Variants in PTPRN observed in about 807,000 individuals in gnomAD.
PTPRN encodes the protein protein tyrosine phosphatase receptor type N.
A neutral mutation model predicts 108.5 loss-of-function variants in PTPRN; 70 were observed. The ratio of observed to expected loss-of-function variants is 0.65; its 90% CI spans 0.53 to 0.79. PTPRN has a LOEUF of 0.79. Ranked by LOEUF, PTPRN falls within the 30% of genes least tolerant of loss-of-function variation. The pLI, the probability that PTPRN is intolerant of heterozygous loss-of-function variation, is 0.00. For synonymous variants in PTPRN, 496 were observed against 524.6 expected (o/e 0.95, Z 0.75); for missense variants, 1,136 against 1,295.5 (o/e 0.88, Z 1.89).
intron 3 of PTPRN, 99 bp from the exon 4 acceptor site, chr2:219,303,930 A>G: frequency 6.8e-6 from 6 of 882,648 alleles, no homozygotes; most frequent in Non-Finnish European, 1.0e-5. Context: ...CCTGCAGCTC[A>G]TGGGGTTTGT....
intron 3 of PTPRN, chr2:219,307,165 C>G (rs1952503723): frequency 5.8e-6 from 2 of 343,582 alleles, no homozygotes; most frequent in Admixed American, 8.6e-5. Flanking sequence ...GTTCTTGGCT[C>G]TGTAGCACTC....
chr2:219,308,288 G>A (rs992697925), intron 1 of PTPRN: 10 of 190,308 alleles, frequency 5.3e-5, no homozygotes, highest in Non-Finnish European at 1.1e-4. Flanking sequence ...GTGTCTCTTA[G>A]GCATCTCTCC....
At position 219,309,309 on chromosome 2, in the gene PTPRN, C is replaced by A; in HGVS notation, c.24G>T (p.Gly8=). ...GGAGACCCCCGGATCCCCCGAGACC[C>A]CCAGGCCGCCGCGGGCGCCGCATCT... is the stretch of plus-strand genomic sequence containing the variant. The part of the protein sequence containing the change: MRRPRRP[G]GLGGSGGLRL... The change falls in exon 1 of 23, where the codon GGG becomes GGT. Residue 8 remains glycine (G), a synonymous_variant. Coordinates refer to ENST00000295718, the MANE Select transcript of PTPRN (RefSeq NM_002846.4). The A allele has an allele frequency of 6.7e-7, 1 of 1,492,798 alleles. No individual in the cohort carries two copies. The highest frequency in any genetic ancestry group is 8.9e-7 in the Non-Finnish European group (1 of 1,125,336). The allele number at this position is 1,492,798 out of a possible 1,614,324, so 92.5% of individuals were successfully genotyped here.
At chr2:219,295,890 T>G in intron 18 of PTPRN, 1 of 252,990 alleles carries the variant, frequency 4.0e-6, no homozygotes, top group South Asian at 5.8e-5. Flanking sequence ...AGCTGTTAGC[T>G]TCTTACCTCG....
At chr2:219,308,815 C>T (rs925775855) in intron 1 of PTPRN, 2 of 1,297,456 alleles carry the variant, frequency 1.5e-6, no homozygotes, top group Non-Finnish European at 2.0e-6. Flanking sequence ...CTTCCACTGC[C>T]CAGAGATCAC....
chr2:219,296,273 C>T lies in PTPRN; in HGVS notation c.2461G>A (p.Asp821Asn). The change falls in exon 18 of 23, where the codon GAC (aspartate) becomes AAC (asparagine). Residue 821 changes from aspartate (D) to asparagine (N), a missense_variant. Coordinates refer to ENST00000295718, the MANE Select transcript of PTPRN (RefSeq NM_002846.4). The surrounding 1 kb of genome is among the most constrained non-coding windows in gnomAD (Gnocchi z 6.0). ...GCACCCTCATCTGGCCAGTAGCGGT[C>T]ACACTGCTTGACACCATCCTCCACC... ...PLVEDGVKQC[D>N]RYWPDEGASL... 6.2e-7 allele frequency: 1 copy of T among 1,614,162 alleles called. No homozygotes were observed. The highest frequency in any genetic ancestry group is 8.5e-7 in the Non-Finnish European group (1 of 1,180,034).
At chr2:219,308,441 T>C (rs536053202) in intron 1 of PTPRN, 1 of 199,808 alleles carries the variant, frequency 5.0e-6, no homozygotes, top group East Asian at 1.3e-4. Flanking sequence ...CCCTCTGTTG[T>C]ATTCTGCCAA....
chr2:219,302,129 C>T lies in PTPRN; in HGVS notation c.994+8G>A, dbSNP rs189995183. The T allele has an allele frequency of 4.5e-3, 7,057 of 1,565,202 alleles. 34 individuals carry two copies. Among genetic ancestry groups the T allele is most frequent in the Non-Finnish European group, 5.5e-3 (6,301 of 1,153,542 alleles). ...TCACAGGGAGGTGGATGCTGAGGAC[C>T]TTGTTACCTGGCTGCACAGCTGGGG... On this transcript the variant is annotated splice_region_variant and intron_variant, in intron 6 of 22. Transcript: ENST00000295718.
intron 18 of PTPRN, chr2:219,295,604 T>G (rs1952172326): frequency 6.4e-6 from 1 of 155,344 alleles, no homozygotes; most frequent in African/African-American, 2.4e-5. Flanking sequence ...AAGGTTTTTT[T>G]GTCTTAGTGG....
In PTPRN at chr2:219,300,179, G is replaced by A; in HGVS notation, c.1242C>T (p.Ala414=). 6.2e-7 allele frequency: 1 copy of A among 1,612,882 alleles called. No individual in the cohort carries two copies. Among genetic ancestry groups the A allele is most frequent in the South Asian group, 1.1e-5 (1 of 90,982 alleles). ...RTSPMPGHPT[A]SPTSSEVQQV... is the part of the protein sequence containing the mutation. ...GCTGGACTTCACTGGAGGTAGGGCT[G>A]GCAGTGGGGTGTCCAGGCATGGGGG... is the stretch of plus-strand genomic sequence containing the variant. Residue 414 remains alanine (A), a synonymous_variant, in exon 9 of 23, where the codon GCC becomes GCT. Transcript: ENST00000295718.
At chr2:219,302,028 A>G (rs2125095463) in intron 6 of PTPRN, 109 bp downstream of exon 6, 9 of 1,055,042 alleles carry the variant, frequency 8.5e-6, no homozygotes, top group Non-Finnish European at 1.2e-5. Context: ...TAAATGTATG[A>G]ATGACTTTAA....
chr2:219,309,187 C>CCCCCCCCCCCCCCCCCCCATT, intron 1 of PTPRN, 31 bp downstream of exon 1: 2 of 1,374,332 alleles, frequency 1.5e-6, no homozygotes, highest in Non-Finnish European at 2.0e-6. Flanking sequence ...CCCCGCCCCC[C>CCCCCCCCCCCCCCCCCCCATT]ACCACCCGCC....
chr2:219,297,469 C>T lies in PTPRN; in HGVS notation c.1888-36G>A. 6.2e-7 allele frequency: 1 copy of T among 1,605,656 alleles called. No individual in the cohort carries two copies. Among genetic ancestry groups the T allele is most frequent in the Non-Finnish European group, 8.5e-7 (1 of 1,173,406 alleles). ...AGAATCAGGTGAGGTCCAAGAGTCC[C>T]CTGAAACTTTTCAACAGGGCCCTGG... On this transcript the variant is annotated intron_variant, in intron 13 of 22. Coordinates refer to ENST00000295718, the MANE Select transcript of PTPRN (RefSeq NM_002846.4). The surrounding 1 kb of genome is among the most constrained non-coding windows in gnomAD (Gnocchi z 6.0).
At chr2:219,300,311 G>A (rs762265469) in intron 8 of PTPRN, 52 bp from the exon 9 acceptor site, 4 of 1,502,512 alleles carry the variant, frequency 2.7e-6, no homozygotes, top group Admixed American at 2.3e-5. Context: ...GGGGGAAGGG[G>A]TACCCTGGAC....
chr2:219,295,238 G>T (rs1574914616), intron 18 of PTPRN, 97 bp from the exon 19 acceptor site: 2 of 1,383,068 alleles, frequency 1.4e-6, no homozygotes, highest in Non-Finnish European at 2.0e-6. Context: ...TCCAACCACC[G>T]CCCGGCCTCC....
chr2:219,307,576 T>G lies in PTPRN; in HGVS notation c.167-19A>C. On this transcript the variant is annotated intron_variant, in intron 2 of 22. Transcript: ENST00000295718. ...AAGCCATCTAAGGGCACAAAAGTGG[T>G]GTCAGCAGGGGGCTTGAATAAGAGG... 6.2e-7 allele frequency: 1 copy of G among 1,609,298 alleles called. No homozygotes were observed. Among genetic ancestry groups the G allele is most frequent in the Non-Finnish European group, 8.5e-7 (1 of 1,176,268 alleles).
chr2:219,298,024 G>C lies in PTPRN; in HGVS notation c.1748C>G (p.Ala583Gly). The change falls in exon 13 of 23, where the codon GCC (alanine) becomes GGC (glycine). Residue 583 changes from alanine to glycine, a missense_variant. Coordinates refer to ENST00000295718, the MANE Select transcript of PTPRN (RefSeq NM_002846.4). ...CAGCAGCCCAGCCACACCTGCCAGG[G>C]CCACCAGAGTGAGCAGCACTGAGCG... ...PMRSVLLTLV[A>G]LAGVAGLLVA... 6.2e-7 allele frequency: 1 copy of C among 1,614,078 alleles called. No homozygotes were observed. Among genetic ancestry groups the C allele is most frequent in the Non-Finnish European group, 8.5e-7 (1 of 1,180,006 alleles).
Position 219,302,246 on chromosome 2 carries a change from C to T in PTPRN, c.885G>A (p.Arg295=), listed in dbSNP as rs1352973128. 3.1e-6 allele frequency: 5 copies of T among 1,614,086 alleles called. No individual in the cohort carries two copies. The highest frequency in any genetic ancestry group is 4.2e-6 in the Non-Finnish European group (5 of 1,180,042). ...GGCTGCTGCTCCCTTGCTCTGGCAG[C>T]CTTGGCACCCTGGCCCTGCTGGGTG... ...LPAPSRARVP[R]LPEQGSSSRA... Residue 295 remains arginine (R), a synonymous_variant, in exon 6 of 23, where the codon AGG becomes AGA. Transcript: ENST00000295718.
At chr2:219,299,183 C>T (rs1385802686) in intron 11 of PTPRN, 72 bp from the exon 12 acceptor site, 1 of 1,606,244 alleles carries the variant, frequency 6.2e-7, no homozygotes, top group East Asian at 2.2e-5. Context: ...CTCTGCCAAG[C>T]AGCAGGCAGG....
Sources: gnomAD v4.1 joint callset for allele counts on GRCh38, gnomAD v4.1.1 for gene constraint, Gnocchi (gnomAD v3.1) non-coding constraint, MANE v1.5 for transcripts, NCBI Gene and HGNC (gene_info 2026-07-23, HGNC 2026-07-21) for gene names.